Variants in TENM1 observed in about 807,000 individuals in gnomAD.
TENM1 encodes the protein teneurin transmembrane protein 1.
A neutral mutation model predicts 174.8 loss-of-function variants in TENM1; 35 were observed. The observed-to-expected ratio is 0.20, with a 90% CI of 0.15 to 0.27. The LOEUF (loss-of-function observed/expected upper bound fraction) is 0.27, where lower values mean the gene tolerates loss of function less well. TENM1 is among the 10% of genes least tolerant of loss of function. TENM1 has a pLI of 1.00. For synonymous variants in TENM1, 781 were observed against 798.7 expected, an observed-to-expected ratio of 0.98 and a Z score of 0.37; for missense variants, 1,633 against 2,130.1, an observed-to-expected ratio of 0.77 and a Z score of 4.59.
intron 3 of TENM1, among the ~76,000 whole-genome samples, chrX:124,792,500 A>G (rs1403116573): frequency 8.9e-6 from 1 of 112,285 alleles, no homozygotes; most frequent in Admixed American, 9.4e-5. Context: ...AGACTTTGAC[A>G]GTAATAAACT....
the TENM1 span, among the ~76,000 whole-genome samples, chrX:124,974,554 C>T: frequency 2.7e-5 from 3 of 110,814 alleles, no homozygotes; most frequent in Non-Finnish European, 5.7e-5. Context: ...TTGCTTAATT[C>T]TACAATTAAA....
At chrX:124,857,445 T>C (rs995114928) in intron 3 of TENM1, among the ~76,000 whole-genome samples, 2 of 111,763 alleles carry the variant, frequency 1.8e-5, no homozygotes, top group African/African-American at 3.2e-5. Context: ...TGTTATGACA[T>C]AGACAAATTT....
intron 11 of TENM1, among the ~76,000 whole-genome samples, chrX:124,580,860 C>T (rs1471606538): frequency 9.1e-6 from 1 of 109,684 alleles, no homozygotes; most frequent in African/African-American, 3.3e-5. Flanking sequence ...AGCTAGTTTT[C>T]AACCCTTCTC....
intron 13 of TENM1, 91 bp from the exon 17 acceptor site, chrX:124,561,908 A>G (rs2048827239): frequency 3.3e-6 from 3 of 922,403 alleles, no homozygotes; most frequent in South Asian, 4.8e-5. Flanking sequence ...GCATCTAACC[A>G]TCTGGGCCCC....
the TENM1 span, among the ~76,000 whole-genome samples, chrX:125,171,337 G>A: frequency 9.1e-6 from 1 of 110,023 alleles, no homozygotes; most frequent in East Asian, 2.9e-4. Flanking sequence ...ATTATACCCC[G>A]AGATCTAAAG....
chrX:124,754,475 G>A (rs1291541268), intron 3 of TENM1, among the ~76,000 whole-genome samples: 2 of 111,236 alleles, frequency 1.8e-5, no homozygotes, highest in Non-Finnish European at 3.8e-5. Flanking sequence ...GGTTTTTTGT[G>A]TCTCTATTTC....
the TENM1 span, among the ~76,000 whole-genome samples, chrX:125,160,715 C>T: frequency 3.6e-5 from 4 of 109,662 alleles, no homozygotes; most frequent in Admixed American, 3.9e-4. Flanking sequence ...CTATATGCTT[C>T]AAGAAAGACT....
chrX:124,702,212 A>G (rs926791939), intron 5 of TENM1, among the ~76,000 whole-genome samples: 1 of 112,073 alleles, frequency 8.9e-6, no homozygotes, highest in Non-Finnish European at 1.9e-5. Context: ...ATCATCTTGT[A>G]TATTACAGCT....
intron 27 of TENM1, among the ~76,000 whole-genome samples, chrX:124,399,418 G>A (rs1297476428): frequency 1.8e-5 from 2 of 111,387 alleles, no homozygotes; most frequent in African/African-American, 6.6e-5. Flanking sequence ...GCAAAATTAT[G>A]GGCATACCAG....
At chrX:124,980,659 AT>A in the TENM1 span, among the ~76,000 whole-genome samples, 1 of 111,793 alleles carries the variant, frequency 8.9e-6, no homozygotes, top group South Asian at 3.7e-4. Context: ...AAATGAAAAA[AT>A]GTTAATATTA....
intron 1 of TENM1, among the ~76,000 whole-genome samples, chrX:124,947,160 G>A (rs2058415416): frequency 2.7e-5 from 3 of 111,581 alleles, no homozygotes; most frequent in African/African-American, 3.2e-5. Flanking sequence ...CATACACTTC[G>A]GTCTTGCACA....
intron 11 of TENM1, among the ~76,000 whole-genome samples, chrX:124,611,614 T>A (rs747518010): frequency 2.7e-5 from 3 of 111,422 alleles, no homozygotes; most frequent in African/African-American, 6.5e-5. Flanking sequence ...ATCTTTATAG[T>A]AAAGATAAGA....
chrX:124,453,613 C>T (rs954701088), intron 22 of TENM1, 122 bp from the exon 26 acceptor site: 10 of 623,561 alleles, frequency 1.6e-5, no homozygotes, highest in Non-Finnish European at 2.4e-5. Flanking sequence ...TTCAATTTTG[C>T]TCAGCACAGA....
At chrX:124,751,985 A>G (rs2054085401) in intron 3 of TENM1, among the ~76,000 whole-genome samples, 1 of 110,881 alleles carries the variant, frequency 9.0e-6, no homozygotes, top group Non-Finnish European at 1.9e-5. Context: ...GGCATGATTT[A>G]TAGTCCTTTG....
At chrX:124,533,862 C>A (rs936643924) in intron 15 of TENM1, among the ~76,000 whole-genome samples, 1 of 111,047 alleles carries the variant, frequency 9.0e-6, no homozygotes, top group Non-Finnish European at 1.9e-5. Flanking sequence ...GCATTGCATA[C>A]TTTCTGTCTT....
intron 1 of TENM1, among the ~76,000 whole-genome samples, chrX:124,957,644 T>C (rs774918825): frequency 4.8e-5 from 5 of 104,195 alleles, no homozygotes; most frequent in Non-Finnish European, 7.8e-5. Flanking sequence ...TAATGTGAGA[T>C]ATAGGTTTAG....
At chrX:124,761,244 G>A (rs767991162) in intron 3 of TENM1, among the ~76,000 whole-genome samples, 3 of 110,697 alleles carry the variant, frequency 2.7e-5, no homozygotes, top group Non-Finnish European at 5.7e-5. Flanking sequence ...ACATGCACAC[G>A]TATGTTCACG....
At chrX:124,782,165 A>C (rs1219086906) in intron 3 of TENM1, among the ~76,000 whole-genome samples, 1 of 111,772 alleles carries the variant, frequency 8.9e-6, no homozygotes, top group Non-Finnish European at 1.9e-5. Context: ...CAAGCCCAGG[A>C]GAACAGCCTA....
At chrX:124,776,602 G>T (rs1472886506) in intron 3 of TENM1, among the ~76,000 whole-genome samples, 1 of 111,887 alleles carries the variant, frequency 8.9e-6, no homozygotes, top group Non-Finnish European at 1.9e-5. Flanking sequence ...ATATTTATCT[G>T]TTTATGTGCA....
Sources: gnomAD v4.1 joint callset for allele counts (sites outside exome capture counted in the v4.1 genomes callset) on GRCh38, gnomAD v4.1.1 for gene constraint, MANE v1.5 for transcripts, NCBI Gene and HGNC (gene_info 2026-07-23, HGNC 2026-07-21) for gene names.